The following PRIM2 variants were observed in gnomAD, a reference collection of about 807,000 sequenced individuals.
PRIM2 encodes DNA primase subunit 2.
Under a neutral mutation model 67.3 loss-of-function variants are expected in PRIM2, and 39 were observed. That is an observed-to-expected ratio of 0.58 (90% CI 0.45 to 0.76). The LOEUF (loss-of-function observed/expected upper bound fraction) is 0.76, where lower values mean the gene tolerates loss of function less well. Ranked by LOEUF, PRIM2 falls within the 30% of genes least tolerant of loss-of-function variation. PRIM2 has a pLI of 0.00. For missense variants in PRIM2, 398 were observed against 598.7 expected, an observed-to-expected ratio of 0.66 and a Z score of 3.50; for synonymous variants, 143 against 198.7, an observed-to-expected ratio of 0.72 and a Z score of 2.36.
intron 7 of PRIM2, among the ~76,000 whole-genome samples, chr6:57,457,401 G>A (rs1300198573): frequency 6.6e-6 from 1 of 152,346 alleles, no homozygotes; most frequent in African/African-American, 2.4e-5. Flanking sequence ...GTCTGCAGAG[G>A]CAGGCAGGCC....
At chr6:57,511,308 C>A (rs1774362579) in intron 8 of PRIM2, among the ~76,000 whole-genome samples, 1 of 152,142 alleles carries the variant, frequency 6.6e-6, no homozygotes, top group South Asian at 2.1e-4. Flanking sequence ...TATGGCAGTA[C>A]AACTGTGTTT....
At chr6:57,460,682 C>A (rs1470297319) in intron 7 of PRIM2, among the ~76,000 whole-genome samples, 1 of 149,448 alleles carries the variant, frequency 6.7e-6, no homozygotes, top group African/African-American at 2.5e-5. Flanking sequence ...CTTCTAAAAT[C>A]TCTATGGATT....
At chr6:57,316,271 A>G (rs1484255559), upstream of PRIM2, among the ~76,000 whole-genome samples, 2 of 152,168 alleles carry the variant, frequency 1.3e-5, no homozygotes, top group Non-Finnish European at 2.9e-5. Context: ...TAAAAATACA[A>G]AAATTAGCCA....
At chr6:57,405,333 A>G (rs1770851842) in intron 7 of PRIM2, among the ~76,000 whole-genome samples, 1 of 150,978 alleles carries the variant, frequency 6.6e-6, no homozygotes, top group Admixed American at 6.6e-5. Flanking sequence ...AAGTGCTGAG[A>G]GTGTAATTTT....
chr6:57,223,908 T>C, the PRIM2 span, among the ~76,000 whole-genome samples: 1 of 152,194 alleles, frequency 6.6e-6, no homozygotes, highest in Non-Finnish European at 1.5e-5. Context: ...TATGGAAAAT[T>C]GTATGGTTCA....
At chr6:57,590,377 A>G (rs1776263711) in intron 10 of PRIM2, among the ~76,000 whole-genome samples, 1 of 152,224 alleles carries the variant, frequency 6.6e-6, no homozygotes, top group Non-Finnish European at 1.5e-5. Context: ...ATTCAGGAAA[A>G]GCTGCAATAG....
intron 10 of PRIM2, among the ~76,000 whole-genome samples, chr6:57,562,132 TA>T (rs1775644422): frequency 6.6e-6 from 1 of 152,020 alleles, no homozygotes; most frequent in Non-Finnish European, 1.5e-5. Context: ...ACAATTCCAT[TA>T]GTAACATCAA....
At chr6:57,276,875 T>C in the PRIM2 span, among the ~76,000 whole-genome samples, 1 of 150,672 alleles carries the variant, frequency 6.6e-6, no homozygotes. Context: ...GGTGACCAAC[T>C]GAGACCCTGC....
intron 7 of PRIM2, among the ~76,000 whole-genome samples, chr6:57,440,824 A>G (rs1042188639): frequency 1.1e-4 from 17 of 152,228 alleles, no homozygotes; most frequent in Non-Finnish European, 2.4e-4. Flanking sequence ...TCTTTTCCCT[A>G]TAGAATTTCC....
the PRIM2 span, among the ~76,000 whole-genome samples, chr6:57,245,989 C>A: frequency 1.3e-5 from 2 of 152,232 alleles, no homozygotes; most frequent in Non-Finnish European, 2.9e-5. Flanking sequence ...TGCCAACAGA[C>A]TATTATTTTT....
intron 7 of PRIM2, chr6:57,435,208 A>T (rs1320850483): frequency 1.3e-5 from 2 of 152,208 alleles, no homozygotes; most frequent in East Asian, 3.8e-4. Flanking sequence ...ATTGAATTTT[A>T]TGACTTTTTC....
the PRIM2 span, among the ~76,000 whole-genome samples, chr6:57,237,933 C>T: frequency 3.3e-5 from 5 of 152,072 alleles, no homozygotes; most frequent in Non-Finnish European, 7.4e-5. Context: ...TTTGGACAGA[C>T]TTTAAACCAA....
chr6:57,549,481 C>T (rs1247586153), intron 10 of PRIM2, among the ~76,000 whole-genome samples: 9 of 151,910 alleles, frequency 5.9e-5, no homozygotes, highest in Admixed American at 2.0e-4. Flanking sequence ...CTTTAGAGAA[C>T]ACAATTAACA....
chr6:57,285,263 A>G, the PRIM2 span, among the ~76,000 whole-genome samples: 1 of 152,204 alleles, frequency 6.6e-6, no homozygotes. Flanking sequence ...ACTCCTCCCT[A>G]ACTCATTTTA....
chr6:57,637,875 A>C (rs1313742548), intron 13 of PRIM2, among the ~76,000 whole-genome samples: 25 of 152,240 alleles, frequency 1.6e-4, no homozygotes, highest in African/African-American at 5.8e-4. Flanking sequence ...ACAGGCCAGC[A>C]TTCAAATTCA....
chr6:57,627,279 CAAAAAA>C (rs1158722297), intron 12 of PRIM2, among the ~76,000 whole-genome samples: 385 of 24,442 alleles, frequency 0.016, 1 homozygote, highest in African/African-American at 0.042. Flanking sequence ...GACTCTGTCT[CAAAAAA>C]AAAAAAAAAA....
At position 57,388,968 on chromosome 6, in the gene PRIM2, A is replaced by G. The variant is rs2397252; in HGVS notation, c.693+6800A>G. Among the ~76,000 whole-genome samples, 87 of 152,270 alleles carry G rather than the reference A, an allele frequency of 5.7e-4. 2 individuals are homozygous for G. Among genetic ancestry groups the G allele is most frequent in the South Asian group, 8.3e-4 (4 of 4,822 alleles). On this transcript the variant is annotated intron_variant, in intron 7 of 13. Transcript: ENST00000615550. ...GCCCACAGCTGAGCTTGGTTTCCAT[A>G]CACTTCCACTTGATTTCATTAAGCA... is the stretch of plus-strand genomic sequence containing the variant.
intron 7 of PRIM2, among the ~76,000 whole-genome samples, chr6:57,394,250 G>T (rs1172890065): frequency 1.3e-5 from 2 of 152,220 alleles, no homozygotes; most frequent in Admixed American, 6.5e-5. Flanking sequence ...ATTGCTTTTG[G>T]CAGTATGGTC....
At chr6:57,269,374 C>T in the PRIM2 span, among the ~76,000 whole-genome samples, 2 of 151,950 alleles carry the variant, frequency 1.3e-5, no homozygotes, top group Non-Finnish European at 2.9e-5. Flanking sequence ...TTGCATTTCT[C>T]TGATGGCCAG....
Sources: allele counts gnomAD v4.1 joint callset (sites outside exome capture counted in the v4.1 genomes callset), GRCh38; gene constraint gnomAD v4.1.1; transcripts MANE v1.5; gene names NCBI Gene and HGNC (gene_info 2026-07-23, HGNC 2026-07-21).